Variants in DLEC1 observed in about 807,000 individuals in gnomAD.
DLEC1 encodes deleted in lung and esophageal cancer protein 1.
DLEC1 carries 146 observed loss-of-function variants against 198.1 expected under a neutral mutation model. The observed-to-expected ratio is 0.74, with a 90% CI of 0.64 to 0.85. The LOEUF (loss-of-function observed/expected upper bound fraction) is 0.85. Among genes scored for constraint, DLEC1 ranks in the 40% least tolerant of loss-of-function variants. The pLI, the probability that DLEC1 is intolerant of heterozygous loss-of-function variation, is 0.00. For synonymous variants in DLEC1, 897 were observed against 866.8 expected (o/e 1.03, Z -0.61); for missense variants, 2,233 against 2,220.0 (o/e 1.01, Z -0.12).
chr3:38,093,288 C>T (rs1433628279), intron 11 of DLEC1, among the ~76,000 whole-genome samples: 2 of 151,886 alleles, frequency 1.3e-5, no homozygotes, highest in African/African-American at 4.8e-5. Context: ...CCTGGCCGCC[C>T]CTCCCTCTCT....
chr3:38,121,884 C>T (rs142479131), intron 35 of DLEC1, 103 bp downstream of exon 35: 2 of 1,521,566 alleles, frequency 1.3e-6, no homozygotes, highest in East Asian at 4.6e-5. Context: ...CATGCTGGCT[C>T]CCAGGGCAGG....
chr3:38,105,970 G>T (rs1252955687), intron 19 of DLEC1, among the ~76,000 whole-genome samples: 1 of 151,900 alleles, frequency 6.6e-6, no homozygotes, highest in Non-Finnish European at 1.5e-5. Flanking sequence ...GTTGTCCAGG[G>T]CTTTATAGTA....
At position 38,112,178 on chromosome 3, in the gene DLEC1, G is replaced by A. The variant is rs775793720; in HGVS notation, c.3515-32G>A. ...GGACCTCACTCCCAACCCCAGGCCC[G>A]TGAATCCCCCACAGTCGCGGTTCTT... is the stretch of plus-strand genomic sequence containing the variant. On this transcript the variant is annotated intron_variant, in intron 24 of 36. Transcript: ENST00000308059. This position sits in a 1 kb window ranked among gnomAD's most constrained non-coding sequence, Gnocchi z 4.8. 21 of 1,613,414 alleles carry A rather than the reference G, an allele frequency of 1.3e-5. No homozygotes were observed. Among genetic ancestry groups the A allele is most frequent in the South Asian group, 5.5e-5 (5 of 91,032 alleles).
intron 18 of DLEC1, among the ~76,000 whole-genome samples, chr3:38,099,951 C>G (rs540506078): frequency 6.6e-6 from 1 of 152,212 alleles, no homozygotes; most frequent in East Asian, 1.9e-4. Context: ...AGGGCTACCC[C>G]CCTAGTTTGG....
intron 10 of DLEC1, among the ~76,000 whole-genome samples, chr3:38,089,684 C>T (rs1292387236): frequency 3.9e-5 from 6 of 152,132 alleles, no homozygotes; most frequent in African/African-American, 1.2e-4. Flanking sequence ...CTGCCCTGGA[C>T]ATCCCCCTCA....
intron 2 of DLEC1, among the ~76,000 whole-genome samples, chr3:38,050,510 C>T (rs1391434825): frequency 3.3e-5 from 5 of 151,856 alleles, no homozygotes; most frequent in Admixed American, 6.6e-5. Context: ...AGGGGAGCCA[C>T]GCAGATATCA....
chr3:38,100,192 T>C, intron 18 of DLEC1, 94 bp from the exon 19 acceptor site: 1 of 1,456,914 alleles, frequency 6.9e-7, no homozygotes, highest in Non-Finnish European at 9.1e-7. Context: ...TGGGGCAGCT[T>C]AGGAGTGACT....
intron 6 of DLEC1, among the ~76,000 whole-genome samples, chr3:38,083,880 C>T (rs1239374870): frequency 6.6e-6 from 1 of 151,940 alleles, no homozygotes; most frequent in Non-Finnish European, 1.5e-5. Context: ...TCCGCCTGCC[C>T]CAGCCTCCCA....
Position 38,094,579 on chromosome 3 carries a change from A to T in DLEC1, c.1920-300A>T, listed in dbSNP as rs145165596. 6.4e-3 allele frequency among the ~76,000 whole-genome samples: 977 copies of T among 152,312 alleles called. 8 individuals carry two copies. The highest frequency in any genetic ancestry group is 7.6e-3 in the Non-Finnish European group (518 of 68,026). ...ATGTATAGCCTCTTCCACTTTAATG[A>T]TTGGAACATGAGTTCCTGACTTACC... On this transcript the variant is annotated intron_variant, in intron 12 of 36. Transcript: ENST00000308059.
At chr3:38,121,994 C>CGG (rs1265834454) in intron 35 of DLEC1, 77 bp from the exon 36 acceptor site, 33 of 1,583,480 alleles carry the variant, frequency 2.1e-5, no homozygotes, top group Non-Finnish European at 2.8e-5. Flanking sequence ...GGTACAGGCC[C>CGG]GGGGGTGGGT....
intron 1 of DLEC1, among the ~76,000 whole-genome samples, chr3:38,042,185 G>T (rs1046360869): frequency 9.2e-5 from 14 of 151,938 alleles, no homozygotes; most frequent in Admixed American, 8.5e-4. Flanking sequence ...TAGAGATGGG[G>T]TTTCACCATG....
At chr3:38,111,102 A>G (rs936653039) in intron 23 of DLEC1, among the ~76,000 whole-genome samples, 1 of 152,206 alleles carries the variant, frequency 6.6e-6, no homozygotes, top group African/African-American at 2.4e-5. Flanking sequence ...GAAATCAAAC[A>G]TTATAATTTA....
chr3:38,078,112 A>C (rs925072379), intron 6 of DLEC1, among the ~76,000 whole-genome samples: 1 of 152,140 alleles, frequency 6.6e-6, no homozygotes, highest in Non-Finnish European at 1.5e-5. Flanking sequence ...AGAGAGATAC[A>C]GTCATGGGGG....
intron 2 of DLEC1, among the ~76,000 whole-genome samples, chr3:38,050,940 C>CA (rs1553611365): frequency 6.8e-6 from 1 of 146,794 alleles, no homozygotes; most frequent in African/African-American, 2.5e-5. Flanking sequence ...CTCTCTCTCT[C>CA]TTTTTTTTTT....
chr3:38,097,971 T>G, intron 18 of DLEC1, 69 bp downstream of exon 18: 1 of 1,595,618 alleles, frequency 6.3e-7, no homozygotes, highest in African/African-American at 1.3e-5. Flanking sequence ...CTGGTGAAAC[T>G]TGCCCTGGTG....
chr3:38,107,050 C>T (rs1018920855), intron 19 of DLEC1, among the ~76,000 whole-genome samples: 1 of 152,148 alleles, frequency 6.6e-6, no homozygotes, highest in African/African-American at 2.4e-5. Context: ...ACTGAGAATA[C>T]AGATCAGTTT....
rs755277183 is a variant in DLEC1, at chr3:38,084,177, ACAC to A, written c.1200_1202del (p.Thr402del). On this transcript the variant is annotated inframe_deletion, in exon 7 of 37. Transcript: ENST00000308059. Reference sequence around the variant, plus strand: ...CAACAGATGGTAATTGCGCTGCAGAACACCACCACGACCAGCCGCTACCTGCGA... The same window carrying A: ...CAACAGATGGTAATTGCGCTGCAGAACACCACGACCAGCCGCTACCTGCGA... 3.1e-6 allele frequency: 5 copies of A among 1,613,048 alleles called. No individual in the cohort carries two copies. The African/African-American group carries it at 4.0e-5, about 13-fold the overall frequency.
intron 2 of DLEC1, among the ~76,000 whole-genome samples, chr3:38,055,898 G>C (rs1238831747): frequency 6.6e-6 from 1 of 152,130 alleles, no homozygotes; most frequent in Non-Finnish European, 1.5e-5. Flanking sequence ...CTTTAACAAG[G>C]TCCTAAATGC....
intron 6 of DLEC1, among the ~76,000 whole-genome samples, chr3:38,076,507 G>C (rs747622912): frequency 5.9e-5 from 9 of 152,046 alleles, no homozygotes; most frequent in Non-Finnish European, 1.3e-4. Flanking sequence ...AGTACTCAGT[G>C]GGGGAGCTTT....
Sources: allele counts gnomAD v4.1 joint callset (sites outside exome capture counted in the v4.1 genomes callset), GRCh38; gene constraint gnomAD v4.1.1; non-coding constraint Gnocchi (gnomAD v3.1); transcripts MANE v1.5; gene names NCBI Gene and HGNC (gene_info 2026-07-23, HGNC 2026-07-21).